The following GALNT13 variants were observed in gnomAD, a reference collection of about 807,000 sequenced individuals.
GALNT13 encodes the protein UDP-GalNAc:polypeptide N-acetylgalactosaminyltransferase 13.
In GALNT13, 28 loss-of-function variants were observed where a neutral mutation model predicts 64.2. The observed-to-expected ratio is 0.44, with a 90% confidence interval of 0.32 to 0.60. The LOEUF (loss-of-function observed/expected upper bound fraction) is 0.60, where lower values mean the gene tolerates loss of function less well. GALNT13 is among the 20% of genes least tolerant of loss of function. The pLI is 0.05. For synonymous variants in GALNT13, 214 were observed against 224.6 expected (o/e 0.95, Z 0.42); for missense variants, 577 against 669.8 (o/e 0.86, Z 1.53).
Position 154,395,565 on chromosome 2 carries a change from G to A in GALNT13, c.1157-426G>A, listed in dbSNP as rs799801. 5.1e-3 allele frequency among the ~76,000 whole-genome samples: 782 copies of A among 151,862 alleles called. 7 individuals carry two copies. Among genetic ancestry groups the A allele is most frequent in the East Asian group, 0.018 (94 of 5,168 alleles). On this transcript the variant is annotated intron_variant, in intron 9 of 12. Transcript: ENST00000392825. The stretch of plus-strand genomic sequence containing the variant: ...ACGTGAATTATTCTATATAAATTTC[G>A]TATAAAATCTACAGGTGGTGAATAA...
At chr2:154,172,068 T>C (rs1685385784) in intron 4 of GALNT13, among the ~76,000 whole-genome samples, 1 of 151,872 alleles carries the variant, frequency 6.6e-6, no homozygotes, top group Admixed American at 6.6e-5. Flanking sequence ...TGAATCTGGA[T>C]TCCTGAAAAA....
chr2:154,230,874 A>G (rs28417344), intron 4 of GALNT13, among the ~76,000 whole-genome samples: 108 of 152,214 alleles, frequency 7.1e-4, no homozygotes, highest in African/African-American at 2.1e-3. Flanking sequence ...CAATCCAGAT[A>G]CTAAATTTGG....
At chr2:153,113,603 A>G in the GALNT13 span, among the ~76,000 whole-genome samples, 1 of 152,058 alleles carries the variant, frequency 6.6e-6, no homozygotes, top group African/African-American at 2.4e-5. Context: ...CATTTTGAAG[A>G]TGGATTGTTG....
the GALNT13 span, among the ~76,000 whole-genome samples, chr2:153,191,817 T>C: frequency 2.0e-5 from 3 of 151,996 alleles, no homozygotes; most frequent in Non-Finnish European, 4.4e-5. Flanking sequence ...GAAATTTATC[T>C]ATTTCTTCTA....
intron 4 of GALNT13, among the ~76,000 whole-genome samples, chr2:154,237,270 G>T (rs2105859631): frequency 6.6e-6 from 1 of 151,774 alleles, no homozygotes; most frequent in East Asian, 1.9e-4. Flanking sequence ...CTTTGAGATT[G>T]CCTACCTTAA....
chr2:153,192,387 T>C, the GALNT13 span, among the ~76,000 whole-genome samples: 1 of 152,142 alleles, frequency 6.6e-6, no homozygotes, highest in African/African-American at 2.4e-5. Flanking sequence ...TATTCTTTTG[T>C]GGTCTGAGAG....
chr2:153,514,599 C>T, the GALNT13 span, among the ~76,000 whole-genome samples: 2 of 152,150 alleles, frequency 1.3e-5, no homozygotes, highest in Admixed American at 6.5e-5. Context: ...CATCTCCCCT[C>T]TCTTCTCCTC....
At chr2:153,166,621 A>ATGTGTGTG in the GALNT13 span, among the ~76,000 whole-genome samples, 9,833 of 122,560 alleles carry the variant, frequency 0.08, 647 homozygotes, top group African/African-American at 0.11. Context: ...TGCCTACTGC[A>ATGTGTGTG]TGTGTGTGTG....
chr2:154,112,865 T>C (rs1383728175), intron 3 of GALNT13, among the ~76,000 whole-genome samples: 1 of 152,148 alleles, frequency 6.6e-6, no homozygotes, highest in Admixed American at 6.6e-5. Context: ...GGTGCAGGCT[T>C]GGGGAGAGAA....
the GALNT13 span, among the ~76,000 whole-genome samples, chr2:153,193,530 G>A: frequency 1.3e-5 from 2 of 151,506 alleles, no homozygotes; most frequent in African/African-American, 4.9e-5. Context: ...GCACCAGCAC[G>A]GCACATGTAT....
At chr2:153,516,197 A>G in the GALNT13 span, among the ~76,000 whole-genome samples, 2 of 152,318 alleles carry the variant, frequency 1.3e-5, no homozygotes, top group Admixed American at 6.5e-5. Context: ...ATTTATCAAT[A>G]TGTCTTCAAA....
Position 153,944,524 on chromosome 2 carries a change from G to T in GALNT13, c.27G>T (p.Val9=), listed in dbSNP as rs749700926. The change falls in exon 3 of 13, where the codon GTG becomes GTT. Residue 9 remains valine (V), a synonymous_variant. Transcript: ENST00000392825. ...TGAGGAGATTTGTCTACTGCAAGGT[G>T]GTTCTAGCCACTTCGCTGATGTGGG... is the stretch of plus-strand genomic sequence containing the variant. MRRFVYCK[V]VLATSLMWVL... 2 of 1,613,578 alleles carry T rather than the reference G, an allele frequency of 1.2e-6. No homozygotes were observed. Among genetic ancestry groups the T allele is most frequent in the Non-Finnish European group, 1.7e-6 (2 of 1,179,668 alleles).
At chr2:154,137,006 G>T (rs1682993813) in intron 3 of GALNT13, among the ~76,000 whole-genome samples, 1 of 151,590 alleles carries the variant, frequency 6.6e-6, no homozygotes, top group Non-Finnish European at 1.5e-5. Context: ...GTGAGTACAT[G>T]AGTCTCTTTG....
At chr2:153,717,231 C>T in the GALNT13 span, among the ~76,000 whole-genome samples, 3 of 152,110 alleles carry the variant, frequency 2.0e-5, no homozygotes, top group African/African-American at 7.2e-5. Context: ...TTTGTTGTTC[C>T]TAATTGCTAG....
At chr2:154,377,724 A>T (rs1698068472) in intron 9 of GALNT13, among the ~76,000 whole-genome samples, 3 of 151,954 alleles carry the variant, frequency 2.0e-5, no homozygotes, top group Admixed American at 2.0e-4. Flanking sequence ...AGGGATCTAG[A>T]AGTACATGAA....
the GALNT13 span, among the ~76,000 whole-genome samples, chr2:153,704,901 A>G: frequency 1.2e-4 from 19 of 152,208 alleles, no homozygotes; most frequent in Non-Finnish European, 2.8e-4. Flanking sequence ...ACCTCAAGTA[A>G]GTTCTTAGAT....
At chr2:154,250,159 C>T (rs983146411) in intron 7 of GALNT13, among the ~76,000 whole-genome samples, 3 of 152,016 alleles carry the variant, frequency 2.0e-5, no homozygotes, top group Non-Finnish European at 4.4e-5. Context: ...TTGAAATGAG[C>T]AATGTCTTTG....
the GALNT13 span, among the ~76,000 whole-genome samples, chr2:153,672,332 C>G: frequency 6.6e-6 from 1 of 152,122 alleles, no homozygotes; most frequent in Middle Eastern, 3.2e-3. Context: ...TGTAAAAGAA[C>G]AGAAATCACA....
chr2:153,663,794 C>T, the GALNT13 span, among the ~76,000 whole-genome samples: 1 of 152,162 alleles, frequency 6.6e-6, no homozygotes, highest in South Asian at 2.1e-4. Flanking sequence ...GTTATTCTTT[C>T]TCAGTGCCAG....
Sources: gnomAD v4.1 joint callset for allele counts (sites outside exome capture counted in the v4.1 genomes callset) on GRCh38, gnomAD v4.1.1 for gene constraint, MANE v1.5 for transcripts, NCBI Gene and HGNC (gene_info 2026-07-23, HGNC 2026-07-21) for gene names.